The following ST6GALNAC5 variants were observed in gnomAD, a reference collection of about 807,000 sequenced individuals.
The protein encoded by ST6GALNAC5 is alpha-N-acetylgalactosaminide alpha-2,6-sialyltransferase 5.
A neutral mutation model predicts 33.6 loss-of-function variants in ST6GALNAC5; 27 were observed. That is an observed-to-expected ratio of 0.80 (90% CI 0.59 to 1.11). The LOEUF is 1.11. Ranked by LOEUF, ST6GALNAC5 falls within the 50% of genes least tolerant of loss-of-function variation. ST6GALNAC5 has a pLI of 0.00. For synonymous variants in ST6GALNAC5, 194 were observed against 171.2 expected (o/e 1.13, Z -1.04); for missense variants, 428 against 454.0 (o/e 0.94, Z 0.52).
intron 2 of ST6GALNAC5, among the ~76,000 whole-genome samples, chr1:77,003,385 C>G (rs1650255460): frequency 6.7e-6 from 1 of 148,446 alleles, no homozygotes; most frequent in Non-Finnish European, 1.5e-5. Flanking sequence ...CTATGTGTGT[C>G]TCTGCACGTG....
chr1:76,968,180 G>C (rs1164000109), intron 2 of ST6GALNAC5, among the ~76,000 whole-genome samples: 2 of 152,020 alleles, frequency 1.3e-5, no homozygotes, highest in Non-Finnish European at 2.9e-5. Context: ...TTGATAGTGG[G>C]GTGTTAAAGT....
intron 2 of ST6GALNAC5, among the ~76,000 whole-genome samples, chr1:76,939,031 T>A (rs1350025758): frequency 6.6e-6 from 1 of 152,084 alleles, no homozygotes; most frequent in Non-Finnish European, 1.5e-5. Flanking sequence ...AAACCTTTCC[T>A]CCAGGAGGCA....
chr1:77,033,603 G>GT (rs35040578), intron 2 of ST6GALNAC5, among the ~76,000 whole-genome samples: 30,094 of 152,026 alleles, frequency 0.2, 4,093 homozygotes, highest in African/African-American at 0.39. Flanking sequence ...GTTATGTGGG[G>GT]TAACATCGTT....
intron 2 of ST6GALNAC5, among the ~76,000 whole-genome samples, chr1:77,015,668 G>A (rs558687449): frequency 6.6e-5 from 10 of 152,220 alleles, no homozygotes; most frequent in African/African-American, 2.4e-4. Context: ...GGGGTTCAGA[G>A]GAGGGGCACC....
Position 76,920,972 on chromosome 1 carries a change from G to A in ST6GALNAC5, c.261+52230G>A, listed in dbSNP as rs564997747. On this transcript the variant is annotated intron_variant, in intron 2 of 4. Transcript: ENST00000477717. ...CATGAGAATAGGAAATAGCCATAAT[G>A]AATGAGAAGTGAACTGCTAATGGCA... 6.2e-4 allele frequency among the ~76,000 whole-genome samples: 95 copies of A among 152,292 alleles called. 1 individual carries two copies. The highest frequency in any genetic ancestry group is 3.5e-3 in the South Asian group (17 of 4,830).
intron 2 of ST6GALNAC5, 103 bp from the exon 3 acceptor site, chr1:77,044,101 A>C: frequency 7.8e-7 from 1 of 1,274,742 alleles, no homozygotes; most frequent in Non-Finnish European, 1.1e-6. Flanking sequence ...GGAGGAGAGA[A>C]GAGATGGGTG....
At chr1:77,054,430 T>C (rs1326150221) in intron 4 of ST6GALNAC5, among the ~76,000 whole-genome samples, 2 of 152,216 alleles carry the variant, frequency 1.3e-5, no homozygotes, top group East Asian at 1.9e-4. Context: ...TCTGGACTAT[T>C]GTATAAGATT....
intron 2 of ST6GALNAC5, among the ~76,000 whole-genome samples, chr1:77,039,781 G>A (rs770511428): frequency 7.2e-5 from 11 of 152,190 alleles, no homozygotes; most frequent in South Asian, 2.1e-4. Context: ...AATCGGGGAG[G>A]CTGAACACTA....
At chr1:77,028,811 A>G (rs894156072) in intron 2 of ST6GALNAC5, among the ~76,000 whole-genome samples, 4 of 152,214 alleles carry the variant, frequency 2.6e-5, no homozygotes, top group Non-Finnish European at 5.9e-5. Context: ...AAATTTTCCC[A>G]AAGTCAACAG....
intron 2 of ST6GALNAC5, among the ~76,000 whole-genome samples, chr1:77,011,810 T>G (rs545036661): frequency 2.6e-5 from 4 of 152,172 alleles, no homozygotes; most frequent in Admixed American, 6.5e-5. Flanking sequence ...AACATTTTTA[T>G]TTTGTAATAT....
rs187920512 is a variant in ST6GALNAC5 at position 76,898,811 on chromosome 1, G to A, written c.261+30069G>A. Among the ~76,000 whole-genome samples the A allele has an allele frequency of 2.6e-4, 40 of 152,308 alleles. No individual in the cohort carries two copies. The East Asian group carries it at 7.7e-3, about 29-fold the overall frequency. ...TTGATAAAAAGATTATAGGTTGGAG[G>A]AGCGGAGCCTGAGGAAGAATTCGGA... is the stretch of plus-strand genomic sequence containing the variant. On this transcript the variant is annotated intron_variant, in intron 2 of 4. Transcript: ENST00000477717.
intron 2 of ST6GALNAC5, among the ~76,000 whole-genome samples, chr1:77,027,303 A>G (rs947620949): frequency 2.6e-5 from 4 of 152,208 alleles, no homozygotes; most frequent in African/African-American, 9.6e-5. Context: ...GAGCACCTAC[A>G]TTAGGGGGCA....
intron 2 of ST6GALNAC5, among the ~76,000 whole-genome samples, chr1:76,995,012 T>A (rs1649871269): frequency 6.6e-6 from 1 of 152,202 alleles, no homozygotes; most frequent in Non-Finnish European, 1.5e-5. Context: ...CCAGAATTCA[T>A]AAATCACCTT....
chr1:76,872,746 G>A (rs1182620656), intron 2 of ST6GALNAC5, among the ~76,000 whole-genome samples: 1 of 152,140 alleles, frequency 6.6e-6, no homozygotes, highest in Non-Finnish European at 1.5e-5. Context: ...GTGAATGAAT[G>A]ACTGAAATGA....
intron 2 of ST6GALNAC5, among the ~76,000 whole-genome samples, chr1:77,040,006 C>G (rs1026373549): frequency 2.6e-5 from 4 of 152,190 alleles, no homozygotes; most frequent in Admixed American, 1.3e-4. Flanking sequence ...CTCACCAAGG[C>G]ATGAATATTT....
intron 2 of ST6GALNAC5, among the ~76,000 whole-genome samples, chr1:77,004,925 G>A (rs1650333598): frequency 6.9e-6 from 1 of 145,820 alleles, no homozygotes; most frequent in Non-Finnish European, 1.5e-5. Flanking sequence ...TAAGTCTGCA[G>A]AGGTTACTGC....
At chr1:76,892,430 C>G (rs1570644285) in intron 2 of ST6GALNAC5, among the ~76,000 whole-genome samples, 1 of 152,254 alleles carries the variant, frequency 6.6e-6, no homozygotes, top group Non-Finnish European at 1.5e-5. Flanking sequence ...TTCAGCATTA[C>G]TTGTAAACAG....
intron 2 of ST6GALNAC5, among the ~76,000 whole-genome samples, chr1:76,908,455 C>T (rs188825832): frequency 1.3e-5 from 2 of 152,286 alleles, no homozygotes; most frequent in Non-Finnish European, 2.9e-5. Flanking sequence ...ACCTCATAAC[C>T]TTATCACATG....
chr1:76,893,721 C>T (rs572677554), intron 2 of ST6GALNAC5, among the ~76,000 whole-genome samples: 22 of 152,216 alleles, frequency 1.4e-4, no homozygotes, highest in African/African-American at 4.8e-4. Context: ...ATTGCAGTGG[C>T]GCGATCTCGG....
Sources: allele counts gnomAD v4.1 joint callset (sites outside exome capture counted in the v4.1 genomes callset), GRCh38; gene constraint gnomAD v4.1.1; transcripts MANE v1.5; gene names NCBI Gene and HGNC (gene_info 2026-07-23, HGNC 2026-07-21).